Variants in ANKRD53 observed in about 807,000 individuals in gnomAD.
ANKRD53 encodes the protein ankyrin repeat domain-containing protein 53.
ANKRD53 carries 27 observed loss-of-function variants against 30.1 expected under a neutral mutation model. The ratio of observed to expected loss-of-function variants is 0.90; its 90% CI spans 0.66 to 1.24. ANKRD53 has a LOEUF of 1.24. Among genes scored for constraint, ANKRD53 ranks in the 50% most tolerant of loss-of-function variants. The probability of loss-of-function intolerance (pLI) is 0.00; values close to 1 mark genes in which losing one functional copy is unlikely to be tolerated. For synonymous variants in ANKRD53, 286 were observed against 295.4 expected (o/e 0.97, Z 0.33); for missense variants, 682 against 721.0 (o/e 0.95, Z 0.62).
chr2:70,984,429 A>T (rs1572937514), intron 5 of ANKRD53, 182 bp from the exon 6 acceptor site: 1 of 985,156 alleles, frequency 1.0e-6, no homozygotes, highest in East Asian at 1.1e-4. Context: ...CCCCCATCGG[A>T]ACACCGGCTC....
Position 70,984,852 on chromosome 2 carries a change from G to A in ANKRD53, c.1145G>A (p.Arg382Gln), listed in dbSNP as rs565609845. ...KPIYRKPTVK[R>Q]PTMWNVSNNP... ...ATCTACAGGAAGCCCACGGTCAAGCGGCCCACAATGTGGAATGTTAGCAAC... is the reference window on the plus strand; with the variant it reads ...ATCTACAGGAAGCCCACGGTCAAGCAGCCCACAATGTGGAATGTTAGCAAC... The change falls in exon 6 of 6, where the codon CGG becomes CAG. Residue 382 changes from arginine to glutamine, a missense_variant. Coordinates refer to ENST00000360589, the MANE Select transcript of ANKRD53 (RefSeq NM_001115116.2). 3.2e-5 allele frequency: 49 copies of A among 1,551,634 alleles called. No individual in the cohort carries two copies. The highest frequency in any genetic ancestry group is 8.2e-5 in the African/African-American group (6 of 73,160).
Position 70,982,782 on chromosome 2 carries a change from A to G in ANKRD53, c.903+85A>G. 6.5e-7 allele frequency: 1 copy of G among 1,537,170 alleles called. No homozygotes were observed. The highest frequency in any genetic ancestry group is 1.2e-5 in the South Asian group (1 of 82,156). Reference sequence around the variant, plus strand: ...GGCAGTGACCCACATATTGTGGAGGAGTGGCTAGAAGCACTCCCACCCTGA... The same window carrying G: ...GGCAGTGACCCACATATTGTGGAGGGGTGGCTAGAAGCACTCCCACCCTGA... On this transcript the variant is annotated intron_variant, in intron 5 of 5. Transcript: ENST00000360589. The surrounding 1 kb of genome is among the most constrained non-coding windows in gnomAD (Gnocchi z 4.2).
In ANKRD53 at chr2:70,981,966, C is replaced by G; in HGVS notation, c.648C>G (p.His216Gln). Residue 216 changes from histidine to glutamine, a missense_variant, in exon 4 of 6, where the codon CAC (histidine) becomes CAG (glutamine). By Grantham distance (24) the His-to-Gln change is conservative (BLOSUM62 0). Coordinates refer to ENST00000360589, the MANE Select transcript of ANKRD53 (RefSeq NM_001115116.2). Reference protein sequence around the residue: ...AQTCNGSTPLHLAARDGLLDC... With the variant: ...AQTCNGSTPLQLAARDGLLDC... ...CATGCAACGGCTCCACGCCCCTGCACCTGGCAGCCCGTGACGGCTTGCTGG... is the reference window on the plus strand; with the variant it reads ...CATGCAACGGCTCCACGCCCCTGCAGCTGGCAGCCCGTGACGGCTTGCTGG... 1 of 1,608,282 alleles carries G rather than the reference C, an allele frequency of 6.2e-7. No individual in the cohort carries two copies. Among genetic ancestry groups the G allele is most frequent in the Non-Finnish European group, 8.5e-7 (1 of 1,177,102 alleles).
In ANKRD53 at chr2:70,978,814, A is replaced by G; in HGVS notation, c.169A>G (p.Ser57Gly). 1 of 1,560,362 alleles carries G rather than the reference A, an allele frequency of 6.4e-7. No homozygotes were observed. Among genetic ancestry groups the G allele is most frequent in the Non-Finnish European group, 8.7e-7 (1 of 1,154,040 alleles). Residue 57 changes from serine to glycine, a missense_variant and splice_region_variant, in exon 1 of 6, where the codon AGC (serine) becomes GGC (glycine). Transcript: ENST00000360589. The surrounding 1 kb of genome is among the most constrained non-coding windows in gnomAD (Gnocchi z 4.3). ...TWTDAESKQP[S>G]QPLPDLADHL... Reference sequence around the variant, plus strand: ...GACTGACGCGGAGTCCAAGCAGCCCAGGTGGGTAGCGGGAGAAGGTGTCCC... The same window carrying G: ...GACTGACGCGGAGTCCAAGCAGCCCGGGTGGGTAGCGGGAGAAGGTGTCCC...
Position 70,982,546 on chromosome 2 carries a change from G to C in ANKRD53, c.783-31G>C, listed in dbSNP as rs202113267. The C allele has an allele frequency of 1.9e-6, 3 of 1,611,884 alleles. No individual in the cohort carries two copies. The highest frequency in any genetic ancestry group is 2.5e-6 in the Non-Finnish European group (3 of 1,178,616). ...CCAGGTGGAAGCTCTGTCACTGTGGGATGACACCCCCGCCCTGACCTTGGC... is the reference window on the plus strand; with the variant it reads ...CCAGGTGGAAGCTCTGTCACTGTGGCATGACACCCCCGCCCTGACCTTGGC... On this transcript the variant is annotated intron_variant, in intron 4 of 5. Coordinates refer to ENST00000360589, the MANE Select transcript of ANKRD53 (RefSeq NM_001115116.2). This position sits in a 1 kb window ranked among gnomAD's most constrained non-coding sequence, Gnocchi z 4.2.
chr2:70,984,891 C>A lies in ANKRD53; in HGVS notation c.1184C>A (p.Pro395His). The A allele has an allele frequency of 1.3e-6, 2 of 1,550,870 alleles. No individual in the cohort carries two copies. The highest frequency in any genetic ancestry group is 1.7e-4 in the Middle Eastern group (1 of 5,988). Residue 395 changes from proline to histidine, a missense_variant, in exon 6 of 6, where the codon CCC becomes CAC. By Grantham distance (77) the Pro-to-His change is moderately conservative. Coordinates refer to ENST00000360589, the MANE Select transcript of ANKRD53 (RefSeq NM_001115116.2). Reference protein sequence around the residue: ...MWNVSNNPARPPTTQISHSQG... With the variant: ...MWNVSNNPARHPTTQISHSQG... Reference sequence around the variant, plus strand: ...AATGTTAGCAACAACCCCGCCAGACCCCCCACCACCCAGATCAGCCACTCG... The same window carrying A: ...AATGTTAGCAACAACCCCGCCAGACACCCCACCACCCAGATCAGCCACTCG...
At position 70,978,968 on chromosome 2, in the gene ANKRD53, T is replaced by C; in HGVS notation, c.171-129T>C. 1 of 1,440,108 alleles carries C rather than the reference T, an allele frequency of 6.9e-7. No homozygotes were observed. The highest frequency in any genetic ancestry group is 1.5e-5 in the South Asian group (1 of 67,502). The allele number at this position is 1,440,108 out of a possible 1,614,324, so 89.2% of individuals were successfully genotyped here. A position where few individuals can be genotyped will look rare whatever the true frequency, so the allele number is the denominator to read the frequency against. ...GGGCCAGGGATCGCCTCCCGAGAGG[T>C]GCCTAGGCCGTGGCCCAGAGTCGCT... On this transcript the variant is annotated intron_variant, in intron 1 of 5. Coordinates refer to ENST00000360589, the MANE Select transcript of ANKRD53 (RefSeq NM_001115116.2). This position sits in a 1 kb window ranked among gnomAD's most constrained non-coding sequence, Gnocchi z 4.3.
chr2:70,983,110 T>TA (rs1670060949), intron 5 of ANKRD53, among the ~76,000 whole-genome samples: 1 of 152,174 alleles, frequency 6.6e-6, no homozygotes, highest in Non-Finnish European at 1.5e-5. Context: ...CCCTGAGGTC[T>TA]AAAGATGAAC....
At chr2:70,979,425 C>A in intron 2 of ANKRD53, 82 bp downstream of exon 2, 2 of 1,582,936 alleles carry the variant, frequency 1.3e-6, no homozygotes, top group South Asian at 2.3e-5. Flanking sequence ...GAAGAGATAT[C>A]CTTTTCTGGG....
rs565663834 is a variant in ANKRD53 at position 70,979,615 on chromosome 2, A to C, written c.418-46A>C. ...ATTTATATAAATTGTGGACCCTGGG[A>C]CCTCAGTCCCACTCAGCCTCCTCCT... is the stretch of plus-strand genomic sequence containing the variant. On this transcript the variant is annotated intron_variant, in intron 2 of 5. Transcript: ENST00000360589. 1.2e-5 allele frequency: 19 copies of C among 1,574,712 alleles called. No individual in the cohort carries two copies. The South Asian group carries it at 1.8e-4, about 15-fold the overall frequency.
At chr2:70,984,147 C>T (rs1553424147) in intron 5 of ANKRD53, 1 of 1,613,960 alleles carries the variant, frequency 6.2e-7, no homozygotes, top group South Asian at 1.1e-5. Context: ...TGTGCACTTC[C>T]CATTTGCCTT....
chr2:70,983,177 G>T (rs1553423989), intron 5 of ANKRD53, among the ~76,000 whole-genome samples: 2 of 152,196 alleles, frequency 1.3e-5, no homozygotes, highest in African/African-American at 4.8e-5. Context: ...GCAGGTTACA[G>T]GCCCATCAAG....
At chr2:70,984,287 C>G (rs72832792) in intron 5 of ANKRD53, 315,137 of 1,613,544 alleles carry the variant, frequency 0.2, 32,291 homozygotes, top group Non-Finnish European at 0.21. Context: ...GGGACTGTGT[C>G]TCCCATGTCA....
chr2:70,980,929 G>C (rs535127117), intron 3 of ANKRD53, among the ~76,000 whole-genome samples: 1 of 152,222 alleles, frequency 6.6e-6, no homozygotes, highest in Admixed American at 6.5e-5. Context: ...CTGGGCGACA[G>C]AGCGAGACTC....
In ANKRD53 at chr2:70,982,834, C is replaced by T; in HGVS notation, c.903+137C>T. ...AGAGCCACCCTTTCGCCTGTACTCC[C>T]ACCGGGTACTCTGACTGAAATTCCG... On this transcript the variant is annotated intron_variant, in intron 5 of 5. Transcript: ENST00000360589. This position sits in a 1 kb window ranked among gnomAD's most constrained non-coding sequence, Gnocchi z 4.2. 1 of 1,156,212 alleles carries T rather than the reference C, an allele frequency of 8.6e-7. No individual in the cohort carries two copies. Among genetic ancestry groups the T allele is most frequent in the Non-Finnish European group, 1.2e-6 (1 of 847,834 alleles). 71.6% of individuals were successfully genotyped at this position (1,156,212 alleles called of 1,614,324 possible).
At position 70,982,582 on chromosome 2, in the gene ANKRD53, T is replaced by G; in HGVS notation, c.788T>G (p.Leu263Trp). The change falls in exon 5 of 6, where the codon TTG becomes TGG. Residue 263 changes from leucine to tryptophan, a missense_variant. Transcript: ENST00000360589. The surrounding 1 kb of genome is among the most constrained non-coding windows in gnomAD (Gnocchi z 4.2). ...CGCCCTGACCTTGGCACCAGGTTCT[T>G]GAAGGATGCCATGTGGAAAAAGGAC... Reference protein sequence around the residue: ...IWNHRACARFLKDAMWKKDKK... With the variant: ...IWNHRACARFWKDAMWKKDKK... 1 of 1,614,074 alleles carries G rather than the reference T, an allele frequency of 6.2e-7. No homozygotes were observed. The highest frequency in any genetic ancestry group is 1.1e-5 in the South Asian group (1 of 91,076).
chr2:70,981,505 G>A (rs1670008413), intron 3 of ANKRD53, among the ~76,000 whole-genome samples: 1 of 152,168 alleles, frequency 6.6e-6, no homozygotes, highest in Non-Finnish European at 1.5e-5. Flanking sequence ...CCAGGTAGAG[G>A]TAACATCATA....
At chr2:70,984,235 G>A (rs1670101206) in intron 5 of ANKRD53, 1 of 1,614,162 alleles carries the variant, frequency 6.2e-7, no homozygotes. Context: ...TGGAGAAGAA[G>A]GGAATTGTCT....
intron 3 of ANKRD53, among the ~76,000 whole-genome samples, chr2:70,980,830 C>T (rs1258615637): frequency 3.3e-5 from 5 of 151,644 alleles, no homozygotes; most frequent in African/African-American, 9.7e-5. Flanking sequence ...CCTGTTGTCC[C>T]AGCTACTTGG....
Sources: allele counts gnomAD v4.1 joint callset (sites outside exome capture counted in the v4.1 genomes callset), GRCh38; gene constraint gnomAD v4.1.1; non-coding constraint Gnocchi (gnomAD v3.1); transcripts MANE v1.5; gene names NCBI Gene and HGNC (gene_info 2026-07-23, HGNC 2026-07-21).